The following SRPK2 variants were observed in gnomAD, a reference collection of about 807,000 sequenced individuals.
SRPK2 encodes SRSF protein kinase 2, also known as SFRS protein kinase 2.
Under a neutral mutation model 90.8 loss-of-function variants are expected in SRPK2, and 21 were observed. The observed-to-expected ratio is 0.23, with a 90% CI of 0.16 to 0.33. The LOEUF is 0.33. Ranked by LOEUF, SRPK2 falls within the 10% of genes least tolerant of loss-of-function variation. The probability of loss-of-function intolerance (pLI) is 1.00; values close to 1 mark genes in which losing one functional copy is unlikely to be tolerated. For missense variants in SRPK2, 620 were observed against 869.0 expected (o/e 0.71, Z 3.60); for synonymous variants, 288 against 311.1 (o/e 0.93, Z 0.78).
intron 2 of SRPK2, among the ~76,000 whole-genome samples, chr7:105,380,563 G>A (rs1203839832): frequency 3.0e-5 from 4 of 135,180 alleles, no homozygotes; most frequent in Non-Finnish European, 6.1e-5. Context: ...TCGCTCTGTC[G>A]CCCAGGCTGG....
chr7:105,395,718 C>A (rs1586042440), intron 1 of SRPK2, among the ~76,000 whole-genome samples: 2 of 151,990 alleles, frequency 1.3e-5, no homozygotes, highest in South Asian at 4.1e-4. Context: ...GGCAACAGAG[C>A]AAGACTCTGT....
At chr7:105,230,836 T>TA (rs532753699) in intron 2 of SRPK2, among the ~76,000 whole-genome samples, 5 of 152,136 alleles carry the variant, frequency 3.3e-5, no homozygotes, top group Non-Finnish European at 5.9e-5. Flanking sequence ...ATTTTTCAGT[T>TA]AAAAAAAAGT....
rs964780518 is a variant in SRPK2 at position 105,259,095 on chromosome 7, T to C, written c.72-55310A>G. Among the ~76,000 whole-genome samples, 16 of 152,202 alleles carry C rather than the reference T, an allele frequency of 1.1e-4. No homozygotes were observed. In the East Asian group the frequency reaches 1.3e-3, roughly 13 times the overall value. ...TCAATTAGGAAAAGAGGAAGTCAAA[T>C]TGTCTCTGTTTGCAGATGACATGAT... On this transcript the variant is annotated intron_variant, in intron 2 of 15. Coordinates refer to ENST00000393651, the MANE Select transcript of SRPK2 (RefSeq NM_182692.3).
chr7:105,117,914 A>G lies in SRPK2; in HGVS notation c.2024T>C (p.Ile675Thr), dbSNP rs760267506. ...TTCTGGAACCATTTCTAACATCGGGATCAGGAAATCTGTAAACTGTGCAGC... is the reference window on the plus strand; with the variant it reads ...TTCTGGAACCATTTCTAACATCGGGGTCAGGAAATCTGTAAACTGTGCAGC... ...EDAAQFTDFL[I>T]PMLEMVPEKR... Residue 675 changes from isoleucine (I) to threonine (T), a missense_variant, in exon 16 of 16, where the codon ATC becomes ACC. This residue lies in a region of SRPK2 where 71 missense variants were observed against 123.1 expected (regional missense o/e 0.58). Transcript: ENST00000393651. 3.7e-6 allele frequency: 6 copies of G among 1,614,100 alleles called. No homozygotes were observed. In the East Asian group the frequency reaches 1.3e-4, roughly 36 times the overall value.
At chr7:105,214,832 T>C (rs1197445643) in intron 2 of SRPK2, among the ~76,000 whole-genome samples, 2 of 152,218 alleles carry the variant, frequency 1.3e-5, no homozygotes, top group African/African-American at 2.4e-5. Context: ...TTTGCTGAAT[T>C]TGACAAGCCA....
intron 2 of SRPK2, among the ~76,000 whole-genome samples, chr7:105,222,824 T>G (rs1798262905): frequency 6.6e-6 from 1 of 152,178 alleles, no homozygotes; most frequent in African/African-American, 2.4e-5. Context: ...GCCTCTGACC[T>G]CATGGAGTCG....
At position 105,370,028 on chromosome 7, in the gene SRPK2, A is replaced by AAACAAC. The variant is rs10694399; in HGVS notation, c.71+18614_71+18619dup. ...GGCAACAAGAGCAAGACTCCATCTCAAACAACAACAACAACAACAACAAAA... is the reference window on the plus strand; with the variant it reads ...GGCAACAAGAGCAAGACTCCATCTCAAACAACAACAACAACAACAACAACAACAAAA... On this transcript the variant is annotated intron_variant, in intron 2 of 15. Transcript: ENST00000393651. Among the ~76,000 whole-genome samples, 1,409 of 150,010 alleles carry AAACAAC rather than the reference A, an allele frequency of 9.4e-3. 15 individuals carry two copies. Among genetic ancestry groups the AAACAAC allele is most frequent in the East Asian group, 0.056 (286 of 5,100 alleles).
At chr7:105,323,334 G>A (rs1813156723) in intron 2 of SRPK2, among the ~76,000 whole-genome samples, 2 of 152,110 alleles carry the variant, frequency 1.3e-5, no homozygotes. Flanking sequence ...TGAAGGTAAA[G>A]CCTTCTGCAA....
At chr7:105,327,861 C>T (rs1173184049) in intron 2 of SRPK2, among the ~76,000 whole-genome samples, 2 of 152,196 alleles carry the variant, frequency 1.3e-5, no homozygotes, top group African/African-American at 2.4e-5. Flanking sequence ...AGTGCAGTGG[C>T]GTGATCCCGG....
chr7:105,239,826 T>G (rs1466167721), intron 2 of SRPK2, among the ~76,000 whole-genome samples: 4 of 152,230 alleles, frequency 2.6e-5, no homozygotes, highest in Non-Finnish European at 5.9e-5. Flanking sequence ...CCTGTTAAAC[T>G]AGGATCTTCG....
intron 3 of SRPK2, among the ~76,000 whole-genome samples, chr7:105,198,783 C>A (rs1467283588): frequency 1.3e-5 from 2 of 152,094 alleles, no homozygotes; most frequent in East Asian, 3.8e-4. Flanking sequence ...TAGGTATTAA[C>A]ATTAATATAA....
At chr7:105,384,500 T>C (rs529532581) in intron 2 of SRPK2, among the ~76,000 whole-genome samples, 16 of 152,278 alleles carry the variant, frequency 1.1e-4, no homozygotes, top group African/African-American at 3.9e-4. Context: ...TATACAAAAG[T>C]AGATAATGAC....
At chr7:105,231,535 G>A (rs115153545) in intron 2 of SRPK2, among the ~76,000 whole-genome samples, 5,488 of 152,250 alleles carry the variant, frequency 0.036, 336 homozygotes, top group African/African-American at 0.12. Context: ...CCCACCAACA[G>A]TGTATAAATG....
chr7:105,242,810 C>T (rs973991983), intron 2 of SRPK2, among the ~76,000 whole-genome samples: 62 of 152,246 alleles, frequency 4.1e-4, no homozygotes, highest in Admixed American at 1.4e-3. Context: ...CGAGGCAAGC[C>T]GGATCTCCAA....
chr7:105,143,224 T>C lies in SRPK2; in HGVS notation c.920A>G (p.Glu307Gly). Residue 307 changes from glutamate to glycine, a missense_variant, in exon 10 of 16, where the codon GAA (glutamate) becomes GGA (glycine). This residue lies in a region of SRPK2 where 196 missense variants were observed against 339.2 expected (regional missense o/e 0.58). Coordinates refer to ENST00000393651, the MANE Select transcript of SRPK2 (RefSeq NM_182692.3). ...RLQEIEELEREAERKIIEENI... is the reference protein window; with the variant it reads ...RLQEIEELERGAERKIIEENI... ...TTCTTCTATTATTTTCCTTTCAGCT[T>C]CTCGCTCCAATTCTTCTATCTCCTG... 2 of 1,614,248 alleles carry C rather than the reference T, an allele frequency of 1.2e-6. No individual in the cohort carries two copies. The highest frequency in any genetic ancestry group is 1.7e-6 in the Non-Finnish European group (2 of 1,180,044).
intron 2 of SRPK2, among the ~76,000 whole-genome samples, chr7:105,235,292 TTA>T (rs896351685): frequency 6.6e-6 from 1 of 152,248 alleles, no homozygotes; most frequent in African/African-American, 2.4e-5. Context: ...TAAATTCATG[TTA>T]TAGATTATTT....
chr7:105,176,936 A>C (rs1792033923), intron 3 of SRPK2, among the ~76,000 whole-genome samples: 1 of 152,092 alleles, frequency 6.6e-6, no homozygotes, highest in Non-Finnish European at 1.5e-5. Flanking sequence ...TGCCCTGCCT[A>C]GTCATATATT....
At chr7:105,156,877 C>T (rs552312977) in intron 7 of SRPK2, among the ~76,000 whole-genome samples, 2 of 152,174 alleles carry the variant, frequency 1.3e-5, no homozygotes, top group East Asian at 1.9e-4. Flanking sequence ...TGGCCAAAGC[C>T]CTTTGGTGAA....
intron 7 of SRPK2, among the ~76,000 whole-genome samples, chr7:105,151,069 T>C (rs1805573007): frequency 6.6e-6 from 1 of 152,114 alleles, no homozygotes; most frequent in Non-Finnish European, 1.5e-5. Flanking sequence ...CAAGAAGTGA[T>C]CTCAGTAAAA....
Sources: gnomAD v4.1 joint callset for allele counts (sites outside exome capture counted in the v4.1 genomes callset) on GRCh38, gnomAD v4.1.1 for gene constraint, gnomAD v4.1.1 regional missense constraint, MANE v1.5 for transcripts, NCBI Gene and HGNC (gene_info 2026-07-23, HGNC 2026-07-21) for gene names.